Variants in ZNF180 observed in about 807,000 individuals in gnomAD.
The protein encoded by ZNF180 is zinc finger protein 180.
In ZNF180, 11 loss-of-function variants were observed where a neutral mutation model predicts 11.8. The observed-to-expected ratio is 0.93, with a 90% CI of 0.59 to 1.55. The LOEUF (loss-of-function observed/expected upper bound fraction) is 1.55, where lower values mean the gene tolerates loss of function less well. Ranked by LOEUF, ZNF180 falls within the 40% of genes most tolerant of loss-of-function variation. The pLI is 0.00. For synonymous variants in ZNF180, 287 were observed against 257.7 expected (o/e 1.11, Z -1.09); for missense variants, 773 against 781.7 (o/e 0.99, Z 0.13).
Position 44,477,245 on chromosome 19 carries a change from A to C in ZNF180, c.1155T>G (p.Asn385Lys), listed in dbSNP as rs1460445568. The C allele has an allele frequency of 6.2e-7, 1 of 1,614,128 alleles. No individual in the cohort carries two copies. Among genetic ancestry groups the C allele is most frequent in the Non-Finnish European group, 8.5e-7 (1 of 1,180,018 alleles). The change falls in exon 5 of 5, where the codon AAT becomes AAG. Residue 385 changes from asparagine to lysine, a missense_variant. Coordinates refer to ENST00000592529, the MANE Select transcript of ZNF180 (RefSeq NM_001278509.3). ...THTGEKPYRCNQCGKSFSQSY... is the reference protein window; with the variant it reads ...THTGEKPYRCKQCGKSFSQSY... ...TCTGGCTAAAGGATTTCCCACATTG[A>C]TTACACCTGTAAGGTTTCTCTCCAG...
intron 1 of ZNF180, among the ~76,000 whole-genome samples, chr19:44,497,987 T>C (rs1970634599): frequency 6.6e-6 from 1 of 152,044 alleles, no homozygotes; most frequent in Non-Finnish European, 1.5e-5. Context: ...TAGCCAAGCA[T>C]TTATGCACAG....
In ZNF180 at chr19:44,477,804, T is replaced by A. The variant is rs768746245; in HGVS notation, c.596A>T (p.Lys199Ile). 24 of 1,613,894 alleles carry A rather than the reference T, an allele frequency of 1.5e-5. 1 individual carries two copies. In the South Asian group the frequency reaches 2.6e-4, roughly 18 times the overall value. Residue 199 changes from lysine (K) to isoleucine (I), a missense_variant, in exon 5 of 5, where the codon AAA becomes ATA. By Grantham distance (102) the Lys-to-Ile change is moderately radical. Transcript: ENST00000592529. ...HFHKHVSHAK[K>I]WHLNAAVNSH... Reference sequence around the variant, plus strand: ...GTTTACAGCAGCATTAAGATGCCATTTTTTAGCATGTGATACATGTTTATG... The same window carrying A: ...GTTTACAGCAGCATTAAGATGCCATATTTTAGCATGTGATACATGTTTATG...
Position 44,490,515 on chromosome 19 carries a change from C to T in ZNF180, c.52-6080G>A, listed in dbSNP as rs192084360. On this transcript the variant is annotated intron_variant, in intron 2 of 4. Coordinates refer to ENST00000592529, the MANE Select transcript of ZNF180 (RefSeq NM_001278509.3). ...AAAAATTACATTCCTGATATACACC[C>T]GTGACAAATACATCTTTTCTTAAAA... 1.5e-3 allele frequency among the ~76,000 whole-genome samples: 223 copies of T among 152,208 alleles called. 1 individual carries two copies. The highest frequency in any genetic ancestry group is 5.1e-3 in the African/African-American group (213 of 41,510).
chr19:44,500,399 C>A lies in ZNF180; in HGVS notation c.-168G>T, dbSNP rs1600104433. The A allele has an allele frequency of 3.5e-6, 3 of 849,964 alleles. No individual in the cohort carries two copies. Among genetic ancestry groups the A allele is most frequent in the Non-Finnish European group, 5.7e-6 (3 of 526,912 alleles). The allele number at this position is 849,964 out of a possible 1,614,324, so 52.7% of individuals were successfully genotyped here. A position where few individuals can be genotyped will look rare whatever the true frequency, so the allele number is the denominator to read the frequency against. On this transcript the variant is annotated 5_prime_UTR_variant, in exon 1 of 5. Transcript: ENST00000592529. ...CCCCGATTCTGCAACACGGCCGACT[C>A]GGGTTAAGCTAGTTCGGTCCCCTCT...
chr19:44,488,389 C>T (rs1256738127), intron 2 of ZNF180, among the ~76,000 whole-genome samples: 2 of 152,152 alleles, frequency 1.3e-5, no homozygotes, highest in Non-Finnish European at 2.9e-5. Context: ...CTCAGCCTGC[C>T]GAGTGCCCGC....
chr19:44,479,373 T>G lies in ZNF180; in HGVS notation c.163A>C (p.Thr55Pro), dbSNP rs1480133588. 1 of 1,614,016 alleles carries G rather than the reference T, an allele frequency of 6.2e-7. No individual in the cohort carries two copies. Among genetic ancestry groups the G allele is most frequent in the East Asian group, 2.2e-5 (1 of 44,878 alleles). ...TTGCAAGTACCCTGTTCCTCCCGTG[T>G]GAAGTCCACAGTCACAATTTTGAAG... ...VNFKIVTVDF[T>P]REEQGTCNPA... The change falls in exon 4 of 5, where the codon ACA becomes CCA. Residue 55 changes from threonine (T) to proline (P), a missense_variant. Coordinates refer to ENST00000592529, the MANE Select transcript of ZNF180 (RefSeq NM_001278509.3).
chr19:44,479,279 T>C lies in ZNF180; in HGVS notation c.253+4A>G. 2 of 1,612,456 alleles carry C rather than the reference T, an allele frequency of 1.2e-6. No individual in the cohort carries two copies. Among genetic ancestry groups the C allele is most frequent in the South Asian group, 2.2e-5 (2 of 90,740 alleles). On this transcript the variant is annotated splice_donor_region_variant and intron_variant, in intron 4 of 4. Coordinates refer to ENST00000592529, the MANE Select transcript of ZNF180 (RefSeq NM_001278509.3). ...ATCTTCATTAAAGAGGAGTGTATTCTTACCCCAAGAGACTAGGTCCCTGTG... is the reference window on the plus strand; with the variant it reads ...ATCTTCATTAAAGAGGAGTGTATTCCTACCCCAAGAGACTAGGTCCCTGTG...
At chr19:44,481,241 G>A (rs551992868) in intron 3 of ZNF180, among the ~76,000 whole-genome samples, 2 of 152,160 alleles carry the variant, frequency 1.3e-5, no homozygotes, top group African/African-American at 4.8e-5. Context: ...TTGAGCTGCA[G>A]TTCATGAATA....
In ZNF180 at chr19:44,477,575, A is replaced by T; in HGVS notation, c.825T>A (p.Asp275Glu). Reference sequence around the variant, plus strand: ...TCAAAACCTGCCCACATTCTTTAAAATCAAAGGTTTTTCCTCCTCCATGAA... The same window carrying T: ...TCAAAACCTGCCCACATTCTTTAAATTCAAAGGTTTTTCCTCCTCCATGAA... ...EKIHGGGKTF[D>E]FKECGQVLNP... The change falls in exon 5 of 5, where the codon GAT (aspartate) becomes GAA (glutamate). Residue 275 changes from aspartate to glutamate, a missense_variant. Physicochemically the swap from Asp to Glu is conservative, Grantham distance 45. Coordinates refer to ENST00000592529, the MANE Select transcript of ZNF180 (RefSeq NM_001278509.3). 6.2e-7 allele frequency: 1 copy of T among 1,614,098 alleles called. No homozygotes were observed. Among genetic ancestry groups the T allele is most frequent in the Non-Finnish European group, 8.5e-7 (1 of 1,180,006 alleles).
At chr19:44,498,650 C>T (rs1234743158) in intron 1 of ZNF180, among the ~76,000 whole-genome samples, 2 of 152,200 alleles carry the variant, frequency 1.3e-5, no homozygotes, top group Non-Finnish European at 2.9e-5. Flanking sequence ...CCCAACCAAA[C>T]ACCGGTGTGT....
At chr19:44,497,542 A>C (rs899446363) in intron 1 of ZNF180, among the ~76,000 whole-genome samples, 165 bp from the exon 2 acceptor site, 18 of 152,142 alleles carry the variant, frequency 1.2e-4, no homozygotes, top group African/African-American at 4.3e-4. Flanking sequence ...GTATGTACTG[A>C]GAGTCCCTCA....
Position 44,476,586 on chromosome 19 carries a change from G to C in ZNF180, c.1814C>G (p.Pro605Arg). Residue 605 changes from proline (P) to arginine (R), a missense_variant, in exon 5 of 5, where the codon CCA becomes CGA. By Grantham distance (103) the Pro-to-Arg change is moderately radical. Coordinates refer to ENST00000592529, the MANE Select transcript of ZNF180 (RefSeq NM_001278509.3). The part of the protein sequence containing the change: ...QHQRTHTGEK[P>R]FECNQCGKTF... Reference sequence around the variant, plus strand: ...TTTTCCACACTGATTACATTCAAATGGTTTCTCTCCAGTATGAGTTCTCTG... The same window carrying C: ...TTTTCCACACTGATTACATTCAAATCGTTTCTCTCCAGTATGAGTTCTCTG... The C allele has an allele frequency of 5.6e-6, 9 of 1,614,082 alleles. No individual in the cohort carries two copies. Among genetic ancestry groups the C allele is most frequent in the Non-Finnish European group, 7.6e-6 (9 of 1,179,980 alleles).
At chr19:44,497,202 AAG>A (rs2123509909) in intron 2 of ZNF180, 80 bp downstream of exon 2, 1 of 1,299,972 alleles carries the variant, frequency 7.7e-7, no homozygotes, top group Non-Finnish European at 1.0e-6. Context: ...AAAGGCTGCA[AAG>A]AGAGTCAGGG....
intron 3 of ZNF180, 86 bp downstream of exon 3, chr19:44,484,275 C>T (rs796409784): frequency 1.4e-5 from 16 of 1,119,150 alleles, no homozygotes; most frequent in African/African-American, 9.2e-5. Context: ...TGGCAGCCAC[C>T]GCGCCCGGCC....
At position 44,484,419 on chromosome 19, in the gene ZNF180, T is replaced by C. The variant is rs773205647; in HGVS notation, c.68A>G (p.Gln23Arg). ...KVCAQDSFLPQEIIIKVEGED... is the reference protein window; with the variant it reads ...KVCAQDSFLPREIIIKVEGED... The stretch of plus-strand genomic sequence containing the variant: ...TCCCTCGACTTTGATGATAATCTCT[T>C]GAGGAAGGAAAGAATCCTGAAAAGG... The change falls in exon 3 of 5, where the codon CAA (glutamine) becomes CGA (arginine). Residue 23 changes from glutamine to arginine, a missense_variant. Coordinates refer to ENST00000592529, the MANE Select transcript of ZNF180 (RefSeq NM_001278509.3). The C allele has an allele frequency of 6.2e-7, 1 of 1,613,956 alleles. No individual in the cohort carries two copies. Among genetic ancestry groups the C allele is most frequent in the Non-Finnish European group, 8.5e-7 (1 of 1,179,850 alleles).
chr19:44,491,324 T>C (rs1366374954), intron 2 of ZNF180, among the ~76,000 whole-genome samples: 4 of 152,346 alleles, frequency 2.6e-5, no homozygotes, highest in African/African-American at 9.6e-5. Context: ...TCTTACAAAC[T>C]AAATGCTCAG....
Position 44,476,284 on chromosome 19 carries a change from TG to T in ZNF180, c.*117del. The T allele has an allele frequency of 1.0e-6, 1 of 999,228 alleles. No homozygotes were observed. The allele number at this position is 999,228 out of a possible 1,614,324, so 61.9% of individuals were successfully genotyped here. A position where few individuals can be genotyped will look rare whatever the true frequency, so the allele number is the denominator to read the frequency against. On this transcript the variant is annotated 3_prime_UTR_variant, in exon 5 of 5. Coordinates refer to ENST00000592529, the MANE Select transcript of ZNF180 (RefSeq NM_001278509.3). ...TTGAGACACACAATTAACAGAGGGC[TG>T]GAAGTTTTCCCACATATATTGTTTT...
intron 2 of ZNF180, among the ~76,000 whole-genome samples, chr19:44,494,060 G>T (rs549735569): frequency 6.6e-6 from 1 of 152,208 alleles, no homozygotes; most frequent in South Asian, 2.1e-4. Flanking sequence ...TTTGGGGTAT[G>T]TAATAACAGA....
At position 44,477,058 on chromosome 19, in the gene ZNF180, T is replaced by C; in HGVS notation, c.1342A>G (p.Ile448Val). ...TGTGCAATAAGTTTATAGCTCTGGA[T>C]AAATGATTTCCCACATTGATTACAT... Reference protein sequence around the residue: ...YECNQCGKSFIQSYKLIAHQR... With the variant: ...YECNQCGKSFVQSYKLIAHQR... The change falls in exon 5 of 5, where the codon ATC becomes GTC. Residue 448 changes from isoleucine to valine, a missense_variant. Ile to Val is a conservative substitution (Grantham distance 29). Coordinates refer to ENST00000592529, the MANE Select transcript of ZNF180 (RefSeq NM_001278509.3). The C allele has an allele frequency of 1.2e-6, 2 of 1,614,180 alleles. No homozygotes were observed. Among genetic ancestry groups the C allele is most frequent in the Non-Finnish European group, 1.7e-6 (2 of 1,180,026 alleles).
Sources: gnomAD v4.1 joint callset for allele counts (sites outside exome capture counted in the v4.1 genomes callset) on GRCh38, gnomAD v4.1.1 for gene constraint, MANE v1.5 for transcripts, NCBI Gene and HGNC (gene_info 2026-07-23, HGNC 2026-07-21) for gene names.